Variants in DAB2IP observed in about 807,000 individuals in gnomAD.
DAB2IP encodes the protein DAB2 interacting protein.
DAB2IP carries 28 observed loss-of-function variants against 107.2 expected under a neutral mutation model. The ratio of observed to expected loss-of-function variants is 0.26; its 90% CI spans 0.19 to 0.36. The LOEUF is 0.36. Among genes scored for constraint, DAB2IP ranks in the 10% least tolerant of loss-of-function variants. The probability of loss-of-function intolerance (pLI) is 1.00; values close to 1 mark genes in which losing one functional copy is unlikely to be tolerated. For missense variants in DAB2IP, 1,400 were observed against 1,644.7 expected, an observed-to-expected ratio of 0.85 and a Z score of 2.57; for synonymous variants, 755 against 706.4, an observed-to-expected ratio of 1.07 and a Z score of -1.09.
intron 1 of DAB2IP, among the ~76,000 whole-genome samples, chr9:121,593,647 CTTTTTT>C (rs942688900): frequency 2.1e-5 from 3 of 143,856 alleles, no homozygotes; most frequent in African/African-American, 7.8e-5. Flanking sequence ...TTTTCTTTTT[CTTTTTT>C]TTCTTTTTTC....
At chr9:121,741,701 T>G (rs193155624) in intron 3 of DAB2IP, among the ~76,000 whole-genome samples, 74 of 151,606 alleles carry the variant, frequency 4.9e-4, no homozygotes, top group African/African-American at 1.8e-3. Flanking sequence ...GAGAAAGAAA[T>G]GACTTGGCCA....
At chr9:121,740,017 G>C (rs1419023126) in intron 3 of DAB2IP, among the ~76,000 whole-genome samples, 1 of 152,168 alleles carries the variant, frequency 6.6e-6, no homozygotes, top group Non-Finnish European at 1.5e-5. Context: ...AAGGCCTTTG[G>C]TGTCCTCAAG....
At chr9:121,631,477 C>T (rs1000885476) in intron 1 of DAB2IP, among the ~76,000 whole-genome samples, 4 of 151,920 alleles carry the variant, frequency 2.6e-5, no homozygotes, top group African/African-American at 7.3e-5. Context: ...CTGGAGGGTA[C>T]GGGAGAGAGC....
intron 1 of DAB2IP, among the ~76,000 whole-genome samples, chr9:121,617,180 C>T (rs142667018): frequency 0.031 from 4,668 of 152,156 alleles, 239 homozygotes; most frequent in African/African-American, 0.1. Context: ...CAAAAATTAG[C>T]CAGGCATGGT....
chr9:121,613,923 A>G (rs1420232920), intron 1 of DAB2IP, among the ~76,000 whole-genome samples: 1 of 152,170 alleles, frequency 6.6e-6, no homozygotes, highest in Admixed American at 6.6e-5. Context: ...CCGCAGCTTG[A>G]TAGTGTTGAT....
intron 2 of DAB2IP, 61 bp downstream of exon 2, chr9:121,678,842 T>C: frequency 7.0e-7 from 1 of 1,433,582 alleles, no homozygotes; most frequent in Non-Finnish European, 9.3e-7. Flanking sequence ...TCGCCCGGGG[T>C]GCTGCTCTGT....
At chr9:121,771,175 G>T (rs1834698755) in intron 11 of DAB2IP, among the ~76,000 whole-genome samples, 2 of 152,164 alleles carry the variant, frequency 1.3e-5, no homozygotes, top group Non-Finnish European at 2.9e-5. Flanking sequence ...GCTCTGCCAG[G>T]CTTTGAGGCT....
Position 121,776,639 on chromosome 9 carries a change from C to T in DAB2IP, c.3314+248C>T, listed in dbSNP as rs1043909411. 1.3e-5 allele frequency among the ~76,000 whole-genome samples: 2 copies of T among 152,074 alleles called. No individual in the cohort carries two copies. Among genetic ancestry groups the T allele is most frequent in the African/African-American group, 4.8e-5 (2 of 41,404 alleles). On this transcript the variant is annotated intron_variant, in intron 14 of 15. Transcript: ENST00000408936. This position sits in a 1 kb window ranked among gnomAD's most constrained non-coding sequence, Gnocchi z 5.4. Reference sequence around the variant, plus strand: ...GGCTGGACCAATGACAGCTGGCTCCCGACGGGCCTGAGCCTCTACAAGGAG... The same window carrying T: ...GGCTGGACCAATGACAGCTGGCTCCTGACGGGCCTGAGCCTCTACAAGGAG...
At chr9:121,614,737 C>CTT (rs33981373) in intron 1 of DAB2IP, among the ~76,000 whole-genome samples, 1 of 129,286 alleles carries the variant, frequency 7.7e-6, no homozygotes, top group African/African-American at 2.9e-5. Context: ...TTCTTTCTTT[C>CTT]TTTTTTTTTT....
intron 1 of DAB2IP, among the ~76,000 whole-genome samples, chr9:121,639,051 A>G (rs574373706): frequency 2.6e-5 from 4 of 152,304 alleles, no homozygotes; most frequent in African/African-American, 4.8e-5. Flanking sequence ...ACTGACCACT[A>G]TCCTAGGCTA....
chr9:121,718,262 C>T (rs1564176812), intron 3 of DAB2IP, among the ~76,000 whole-genome samples: 1 of 152,218 alleles, frequency 6.6e-6, no homozygotes, highest in Non-Finnish European at 1.5e-5. Flanking sequence ...CACTCACTCA[C>T]TCACTGGCTG....
At chr9:121,580,656 G>T (rs1273260900) in intron 1 of DAB2IP, among the ~76,000 whole-genome samples, 2 of 151,252 alleles carry the variant, frequency 1.3e-5, no homozygotes, top group African/African-American at 2.4e-5. Context: ...ATGGAGTCTC[G>T]CTCTGTTGCC....
chr9:121,708,077 G>A (rs1370799317), intron 3 of DAB2IP, among the ~76,000 whole-genome samples: 1 of 152,208 alleles, frequency 6.6e-6, no homozygotes, highest in African/African-American at 2.4e-5. Context: ...TATACCCTCT[G>A]GGTGGGGTGG....
At chr9:121,734,794 A>G (rs919452647) in intron 3 of DAB2IP, among the ~76,000 whole-genome samples, 4 of 152,250 alleles carry the variant, frequency 2.6e-5, no homozygotes, top group Non-Finnish European at 4.4e-5. Flanking sequence ...GCACACTTTC[A>G]GATGTAGTTG....
chr9:121,769,880 T>C (rs1834571738), intron 10 of DAB2IP, among the ~76,000 whole-genome samples: 1 of 152,248 alleles, frequency 6.6e-6, no homozygotes, highest in South Asian at 2.1e-4. Flanking sequence ...GAAACTCAAC[T>C]GTTTGCCTCT....
intron 1 of DAB2IP, among the ~76,000 whole-genome samples, chr9:121,604,785 TCTAGTGAATGCC>T: frequency 6.6e-6 from 1 of 152,336 alleles, no homozygotes; most frequent in Admixed American, 6.5e-5. Flanking sequence ...TAGAAATTGC[TCTAGTGAATGCC>T]CTAGTGAATG....
chr9:121,674,884 T>C (rs1242004207), intron 1 of DAB2IP, among the ~76,000 whole-genome samples: 1 of 151,590 alleles, frequency 6.6e-6, no homozygotes, highest in Non-Finnish European at 1.5e-5. Flanking sequence ...GTGGTGTGTG[T>C]GTGTGTGTGT....
At chr9:121,690,412 C>A (rs897851727) in intron 2 of DAB2IP, among the ~76,000 whole-genome samples, 3 of 152,116 alleles carry the variant, frequency 2.0e-5, no homozygotes, top group Admixed American at 6.5e-5. Context: ...AGCCACGAGG[C>A]CCTGGGTATC....
chr9:121,677,357 A>T (rs1388123534), intron 1 of DAB2IP, among the ~76,000 whole-genome samples: 4 of 151,920 alleles, frequency 2.6e-5, no homozygotes, highest in Non-Finnish European at 5.9e-5. Context: ...CATCTCTACA[A>T]TTTTTTTTAA....
Sources: allele counts gnomAD v4.1 joint callset (sites outside exome capture counted in the v4.1 genomes callset), GRCh38; gene constraint gnomAD v4.1.1; non-coding constraint Gnocchi (gnomAD v3.1); transcripts MANE v1.5; gene names NCBI Gene and HGNC (gene_info 2026-07-23, HGNC 2026-07-21).